Variants in SGCD observed in about 807,000 individuals in gnomAD.
SGCD encodes delta-sarcoglycan.
Under a neutral mutation model 36.6 loss-of-function variants are expected in SGCD, and 18 were observed. The observed-to-expected ratio is 0.49, with a 90% CI of 0.34 to 0.73. The LOEUF is 0.73. Among genes scored for constraint, SGCD ranks in the 30% least tolerant of loss-of-function variants. The pLI, the probability that SGCD is intolerant of heterozygous loss-of-function variation, is 0.01. For synonymous variants in SGCD, 133 were observed against 130.6 expected, an observed-to-expected ratio of 1.02 and a Z score of -0.12; for missense variants, 387 against 346.7, an observed-to-expected ratio of 1.12 and a Z score of -0.92.
chr5:156,581,379 G>A (rs193205425), intron 4 of SGCD, among the ~76,000 whole-genome samples: 104 of 152,296 alleles, frequency 6.8e-4, no homozygotes, highest in African/African-American at 2.3e-3. Flanking sequence ...GGGGTTCAGG[G>A]GCCCACTAGA....
intron 3 of SGCD, among the ~76,000 whole-genome samples, chr5:156,425,131 G>A (rs1175166310): frequency 6.6e-6 from 1 of 152,044 alleles, no homozygotes; most frequent in Non-Finnish European, 1.5e-5. Context: ...TCAAAGGACA[G>A]CAGTCAGGCC....
intron 4 of SGCD, among the ~76,000 whole-genome samples, chr5:156,511,205 A>C (rs142468889): frequency 8.3e-4 from 127 of 152,330 alleles, no homozygotes; most frequent in African/African-American, 2.9e-3. Flanking sequence ...ACATGTTTCT[A>C]ACAACAAAAG....
chr5:156,539,607 G>A (rs993692137), intron 4 of SGCD, among the ~76,000 whole-genome samples: 4 of 152,084 alleles, frequency 2.6e-5, no homozygotes, highest in African/African-American at 4.8e-5. Flanking sequence ...TTTTATGGCT[G>A]AGTAGCATTC....
chr5:156,736,155 G>T (rs980095381), intron 7 of SGCD, among the ~76,000 whole-genome samples: 6 of 152,248 alleles, frequency 3.9e-5, no homozygotes, highest in Admixed American at 2.0e-4. Flanking sequence ...TGACTGTCTG[G>T]ATGTGTCAGT....
intron 7 of SGCD, among the ~76,000 whole-genome samples, chr5:156,676,875 G>A (rs1195751684): frequency 1.3e-5 from 2 of 152,126 alleles, no homozygotes; most frequent in African/African-American, 4.8e-5. Context: ...ATATGTGCTA[G>A]GGAATCAATG....
intron 7 of SGCD, among the ~76,000 whole-genome samples, chr5:156,695,519 A>AGATAGATAGATAGATAGATAGATAGATG (rs1561861962): frequency 1.5e-3 from 8 of 5,294 alleles, no homozygotes; most frequent in African/African-American, 4.6e-3. Flanking sequence ...ATGGATAGAT[A>AGATAGATAGATAGATAGATAGATAGATG]GATAGATAGA....
At chr5:156,500,982 C>A (rs745468511) in intron 3 of SGCD, among the ~76,000 whole-genome samples, 1 of 152,180 alleles carries the variant, frequency 6.6e-6, no homozygotes, top group Non-Finnish European at 1.5e-5. Flanking sequence ...CACTGCCCTG[C>A]ACTGGCCATG....
the SGCD span, among the ~76,000 whole-genome samples, chr5:155,818,099 A>G: frequency 6.6e-6 from 1 of 152,232 alleles, no homozygotes; most frequent in Non-Finnish European, 1.5e-5. Flanking sequence ...CCAGGTTATG[A>G]TTTAGAAAGC....
At chr5:155,928,466 A>C (rs1237730066) in intron 1 of SGCD, among the ~76,000 whole-genome samples, 1 of 152,034 alleles carries the variant, frequency 6.6e-6, no homozygotes, top group Admixed American at 6.6e-5. Context: ...TCAGGAGTTC[A>C]AGACCAGCCT....
intron 1 of SGCD, among the ~76,000 whole-genome samples, chr5:156,060,450 T>C (rs140857263): frequency 4.1e-5 from 6 of 146,624 alleles, no homozygotes; most frequent in Middle Eastern, 7.1e-3. Context: ...CAAAACAAGA[T>C]AGTAAAAGAC....
chr5:156,700,528 C>G (rs1754486758), intron 7 of SGCD, among the ~76,000 whole-genome samples: 1 of 152,190 alleles, frequency 6.6e-6, no homozygotes, highest in African/African-American at 2.4e-5. Context: ...TGCAATGAAT[C>G]TCATTCCTTT....
intron 7 of SGCD, among the ~76,000 whole-genome samples, chr5:156,704,770 AG>A (rs1229528088): frequency 6.6e-6 from 1 of 152,168 alleles, no homozygotes; most frequent in Non-Finnish European, 1.5e-5. Flanking sequence ...ATTAAAATAC[AG>A]TGAAATATTA....
intron 4 of SGCD, among the ~76,000 whole-genome samples, chr5:156,519,252 G>A (rs148514387): frequency 3.0e-4 from 46 of 152,006 alleles, no homozygotes; most frequent in African/African-American, 1.1e-3. Context: ...ATAAATTCCT[G>A]GACACATACA....
At chr5:156,195,744 T>C (rs916227491) in intron 3 of SGCD, among the ~76,000 whole-genome samples, 1 of 152,174 alleles carries the variant, frequency 6.6e-6, no homozygotes, top group African/African-American at 2.4e-5. Flanking sequence ...CTGTTTGTGG[T>C]TCCCTGATAG....
chr5:156,053,184 C>T (rs113068898), intron 1 of SGCD, among the ~76,000 whole-genome samples: 1 of 146,670 alleles, frequency 6.8e-6, no homozygotes, highest in Non-Finnish European at 1.5e-5. Context: ...CTACTTGAGA[C>T]ACCACAGGGT....
chr5:156,748,991 C>G (rs1049901108), intron 7 of SGCD, among the ~76,000 whole-genome samples: 2 of 152,006 alleles, frequency 1.3e-5, no homozygotes, highest in African/African-American at 4.8e-5. Context: ...TCTCGAAATG[C>G]TGACTTCAGA....
Position 156,310,054 on chromosome 5 carries a change from T to A in SGCD, c.-43-19480T>A, listed in dbSNP as rs1001589963. Among the ~76,000 whole-genome samples, 4 of 152,178 alleles carry A rather than the reference T, an allele frequency of 2.6e-5. No homozygotes were observed. The East Asian group carries it at 7.7e-4, about 29-fold the overall frequency. ...TTTTGCTTTAATTATTACAGGCTAT[T>A]TTTGTACCCAGAATTAGCATAAGGT... On this transcript the variant is annotated intron_variant, in intron 3 of 9. Coordinates refer to the SGCD transcript ENST00000517913.
chr5:156,478,612 G>A (rs111703649), intron 3 of SGCD, among the ~76,000 whole-genome samples: 5,591 of 152,176 alleles, frequency 0.037, 300 homozygotes, highest in African/African-American at 0.12. Flanking sequence ...ACAGAGTCTC[G>A]CTGTGTCTCC....
intron 3 of SGCD, among the ~76,000 whole-genome samples, chr5:156,502,787 TTGA>T (rs372213869): frequency 1.1e-3 from 168 of 152,340 alleles, no homozygotes; most frequent in Admixed American, 2.4e-3. Context: ...TCAAGGTACT[TTGA>T]TGGGTTTCCA....
Sources: allele counts gnomAD v4.1 joint callset (sites outside exome capture counted in the v4.1 genomes callset), GRCh38; gene constraint gnomAD v4.1.1; transcripts MANE v1.5; gene names NCBI Gene and HGNC (gene_info 2026-07-23, HGNC 2026-07-21).